The following CECR2 variants were observed in gnomAD, a reference collection of about 807,000 sequenced individuals.
CECR2 encodes the protein chromatin remodeling regulator CECR2.
In CECR2, 30 loss-of-function variants were observed where a neutral mutation model predicts 154.5. The observed-to-expected ratio is 0.19, with a 90% CI of 0.15 to 0.26. The LOEUF (loss-of-function observed/expected upper bound fraction) is 0.26. CECR2 is among the 10% of genes least tolerant of loss of function. The pLI, the probability that CECR2 is intolerant of heterozygous loss-of-function variation, is 1.00. For synonymous variants in CECR2, 725 were observed against 683.7 expected, an observed-to-expected ratio of 1.06 and a Z score of -0.94; for missense variants, 1,743 against 1,829.3, an observed-to-expected ratio of 0.95 and a Z score of 0.86.
intron 1 of CECR2, among the ~76,000 whole-genome samples, chr22:17,382,305 G>A (rs2063207870): frequency 6.6e-6 from 1 of 152,148 alleles, no homozygotes; most frequent in East Asian, 1.9e-4. Context: ...TTTTTCTTCA[G>A]GCAGTGGAGA....
intron 1 of CECR2, among the ~76,000 whole-genome samples, chr22:17,443,301 G>A (rs1341714187): frequency 2.0e-5 from 3 of 152,066 alleles, no homozygotes; most frequent in Admixed American, 1.3e-4. Flanking sequence ...TGCTCTGGGC[G>A]ATTTCTCTAT....
upstream of CECR2, among the ~76,000 whole-genome samples, chr22:17,364,594 C>T (rs2062992264): frequency 2.0e-5 from 3 of 151,926 alleles, no homozygotes; most frequent in South Asian, 6.2e-4. Context: ...TGCTGTGATC[C>T]CAGCACTTTG....
intron 17 of CECR2, among the ~76,000 whole-genome samples, chr22:17,549,875 C>T (rs1601211875): frequency 6.6e-6 from 1 of 150,540 alleles, no homozygotes; most frequent in Admixed American, 6.6e-5. Flanking sequence ...ATCCTCCTGC[C>T]TCAGCCTGTC....
At chr22:17,494,793 C>G (rs1167039052) in intron 2 of CECR2, among the ~76,000 whole-genome samples, 1 of 152,104 alleles carries the variant, frequency 6.6e-6, no homozygotes, top group Non-Finnish European at 1.5e-5. Context: ...CTCCCAGGTT[C>G]AAGCAATTCT....
Position 17,499,463 on chromosome 22 carries a change from G to C in CECR2, c.459G>C (p.Gly153=), listed in dbSNP as rs753577889. The C allele has an allele frequency of 2.8e-5, 45 of 1,613,694 alleles. No homozygotes were observed. The highest frequency in any genetic ancestry group is 3.8e-5 in the Non-Finnish European group (45 of 1,179,834). ...RVEPLGEDNS[G]ALYWYFYGTR... ...AGCCATTGGGTGAAGACAATTCTGG[G>C]GCACTATATTGGTATTTCTATGGAA... The change falls in exon 4 of 19, where the codon GGG becomes GGC. Residue 153 remains glycine (G), a synonymous_variant. Coordinates refer to ENST00000262608, the MANE Select transcript of CECR2 (RefSeq NM_001290047.2).
intron 1 of CECR2, among the ~76,000 whole-genome samples, chr22:17,473,882 C>G (rs948469240): frequency 9.9e-5 from 15 of 152,188 alleles, no homozygotes; most frequent in African/African-American, 3.4e-4. Flanking sequence ...AACTGATCAG[C>G]CAGCATTTTA....
chr22:17,404,430 G>A (rs1305464239), intron 1 of CECR2, among the ~76,000 whole-genome samples: 1 of 93,804 alleles, frequency 1.1e-5, no homozygotes, highest in Non-Finnish European at 1.9e-5. Flanking sequence ...CTGGAGTGCA[G>A]TGGCGGGATC....
chr22:17,538,953 C>T (rs750926674), intron 12 of CECR2, 40 bp from the exon 13 acceptor site: 3 of 1,599,438 alleles, frequency 1.9e-6, no homozygotes, highest in East Asian at 2.2e-5. Context: ...TGTTTGCTCT[C>T]AGCATATTTT....
intron 2 of CECR2, among the ~76,000 whole-genome samples, chr22:17,487,763 T>C (rs1039697891): frequency 3.9e-5 from 6 of 152,202 alleles, no homozygotes; most frequent in Non-Finnish European, 7.3e-5. Flanking sequence ...TAGAGTGCTC[T>C]TTATAGAACG....
rs1186825695 is a variant in CECR2 at position 17,461,279 on chromosome 22, A to T, written c.127-16309A>T. 1.3e-5 allele frequency among the ~76,000 whole-genome samples: 2 copies of T among 152,212 alleles called. 1 individual carries two copies. Among genetic ancestry groups the T allele is most frequent in the Middle Eastern group, 6.3e-3 (2 of 316 alleles). On this transcript the variant is annotated intron_variant, in intron 1 of 18. Coordinates refer to ENST00000262608, the MANE Select transcript of CECR2 (RefSeq NM_001290047.2). ...ACACAACTTACTGATATTAAGTTTGATTCCCACCAGTCTCCTAAAACAATG... is the reference window on the plus strand; with the variant it reads ...ACACAACTTACTGATATTAAGTTTGTTTCCCACCAGTCTCCTAAAACAATG...
intron 1 of CECR2, among the ~76,000 whole-genome samples, chr22:17,469,631 T>C (rs987093783): frequency 4.6e-5 from 7 of 151,928 alleles, no homozygotes. Context: ...CCAGTTCTCT[T>C]TTCTTCATTA....
intron 1 of CECR2, among the ~76,000 whole-genome samples, chr22:17,463,940 A>G (rs1422236303): frequency 6.6e-6 from 1 of 152,172 alleles, no homozygotes; most frequent in Non-Finnish European, 1.5e-5. Flanking sequence ...TGGAAAAGAA[A>G]TAGCAGTGCG....
Position 17,548,620 on chromosome 22 carries a change from C to T in CECR2, c.3333C>T (p.Gly1111=), listed in dbSNP as rs1440607287. ...PPSTDPGLTG[G]TVSQFPPLYM... ...GCACAGACCCCGGTTTGACGGGAGGCACTGTGAGCCAGTTTCCCCCGCTGT... is the reference window on the plus strand; with the variant it reads ...GCACAGACCCCGGTTTGACGGGAGGTACTGTGAGCCAGTTTCCCCCGCTGT... The change falls in exon 17 of 19, where the codon GGC becomes GGT. Residue 1111 remains glycine, a synonymous_variant. Transcript: ENST00000262608. The T allele has an allele frequency of 6.2e-7, 1 of 1,613,046 alleles. No homozygotes were observed. The highest frequency in any genetic ancestry group is 1.3e-5 in the African/African-American group (1 of 74,906).
intron 1 of CECR2, among the ~76,000 whole-genome samples, chr22:17,456,782 A>T (rs1232593612): frequency 6.6e-6 from 1 of 152,224 alleles, no homozygotes; most frequent in Non-Finnish European, 1.5e-5. Flanking sequence ...AGATGGACTA[A>T]AATAAATTCA....
At chr22:17,431,425 G>A (rs1318909884) in intron 1 of CECR2, among the ~76,000 whole-genome samples, 1 of 152,180 alleles carries the variant, frequency 6.6e-6, no homozygotes, top group Non-Finnish European at 1.5e-5. Flanking sequence ...GTACATACAT[G>A]TTTCCTGTTC....
intron 1 of CECR2, among the ~76,000 whole-genome samples, chr22:17,470,117 A>G (rs1036779000): frequency 9.2e-5 from 14 of 152,014 alleles, no homozygotes; most frequent in African/African-American, 3.1e-4. Context: ...ACCACACTCA[A>G]AGACACACAC....
At chr22:17,510,468 A>G (rs1202983617) in intron 7 of CECR2, among the ~76,000 whole-genome samples, 7 of 138,204 alleles carry the variant, frequency 5.1e-5, no homozygotes, top group Admixed American at 7.3e-5. Context: ...AGAACCTATG[A>G]AAAAAAAAAA....
At chr22:17,538,915 ATCTC>A (rs1163784454) in intron 12 of CECR2, 74 bp from the exon 13 acceptor site, 27 of 1,508,942 alleles carry the variant, frequency 1.8e-5, no homozygotes, top group Non-Finnish European at 2.4e-5. Flanking sequence ...AATTCTCATT[ATCTC>A]TCTGTCTCTC....
intron 1 of CECR2, among the ~76,000 whole-genome samples, chr22:17,465,712 T>C (rs2055020562): frequency 6.6e-6 from 1 of 152,082 alleles, no homozygotes; most frequent in Non-Finnish European, 1.5e-5. Context: ...CATGAACTCC[T>C]GACCTCGTGA....
Sources: allele counts gnomAD v4.1 joint callset (sites outside exome capture counted in the v4.1 genomes callset), GRCh38; gene constraint gnomAD v4.1.1; transcripts MANE v1.5; gene names NCBI Gene and HGNC (gene_info 2026-07-23, HGNC 2026-07-21).